The following MIR17HG variants were observed in gnomAD, a reference collection of about 807,000 sequenced individuals.
MIR17HG encodes the protein MIR17 host gene (non-protein coding).
At chr13:91,350,191 G>GT in exon 3 of MIR17HG, 2 of 177,218 alleles carry the variant, frequency 1.1e-5, no homozygotes, top group Non-Finnish European at 2.4e-5. Flanking sequence ...GGAGGAAAAT[G>GT]TTTTGCCACG....
intron 3 of MIR17HG, among the ~76,000 whole-genome samples, chr13:91,353,744 T>G (rs1230725531): frequency 6.6e-6 from 1 of 151,670 alleles, no homozygotes; most frequent in Non-Finnish European, 1.5e-5. Flanking sequence ...GTTTAATAAA[T>G]AGCCTTAACT....
chr13:91,350,960 G>A (rs778783279), intron 3 of MIR17HG: 3 of 532,254 alleles, frequency 5.6e-6, no homozygotes, highest in Non-Finnish European at 1.2e-5. Flanking sequence ...ATGCAAAACT[G>A]ATGGTGGCCT....
At position 91,352,883 on chromosome 13, in the gene MIR17HG, C is replaced by T. The variant is rs7336610; in HGVS notation, n.285-1050C>T. On this transcript the variant is annotated intron_variant and non_coding_transcript_variant, in intron 3 of 3. Coordinates refer to ENST00000400282, the Ensembl canonical transcript of MIR17HG. Reference sequence around the variant, plus strand: ...TAGCACTTGGGGAGGCTGAGGCAGACGGATTACCTGAGGTCAGGAGTTCGA... The same window carrying T: ...TAGCACTTGGGGAGGCTGAGGCAGATGGATTACCTGAGGTCAGGAGTTCGA... Among the ~76,000 whole-genome samples, 71,523 of 151,662 alleles carry T rather than the reference C, an allele frequency of 0.47. 18,387 individuals are homozygous for T. The highest frequency in any genetic ancestry group is 0.59 in the Admixed American group (8,949 of 15,242).
intron 3 of MIR17HG, among the ~76,000 whole-genome samples, chr13:91,352,945 C>T (rs1014802180): frequency 2.5e-4 from 38 of 151,534 alleles, no homozygotes; most frequent in African/African-American, 8.7e-4. Context: ...GCTGTCTCTA[C>T]TAAAAATATA....
intron 3 of MIR17HG, chr13:91,350,314 G>T: frequency 4.2e-6 from 1 of 237,576 alleles, no homozygotes; most frequent in Non-Finnish European, 8.5e-6. Flanking sequence ...TTTTCTCTAT[G>T]TGTCAATCCA....
exon 4 of MIR17HG, chr13:91,354,018 C>T (rs1485387106): frequency 6.5e-6 from 1 of 152,676 alleles, no homozygotes; most frequent in Non-Finnish European, 1.5e-5. Flanking sequence ...CAGCCTGCAA[C>T]TTCCTGGAGA....
intron 1 of MIR17HG, among the ~76,000 whole-genome samples, chr13:91,348,821 TGGC>T (rs1341083430): frequency 6.0e-5 from 9 of 149,038 alleles, no homozygotes; most frequent in South Asian, 4.2e-4. Flanking sequence ...GCGGGGGACA[TGGC>T]GGCGACTGCG....
intron 3 of MIR17HG, chr13:91,351,037 G>T (rs1439116940): frequency 1.9e-6 from 1 of 527,478 alleles, no homozygotes; most frequent in East Asian, 5.5e-5. Flanking sequence ...TGTAGAATCT[G>T]CCTGGTCTAT....
intron 1 of MIR17HG, among the ~76,000 whole-genome samples, chr13:91,349,032 G>T (rs907038333): frequency 6.6e-6 from 1 of 151,428 alleles, no homozygotes. Context: ...CGGGTTGGGG[G>T]GGTTGCCGCG....
At chr13:91,350,266 A>T (rs1202570503) in intron 3 of MIR17HG, 5 of 198,312 alleles carry the variant, frequency 2.5e-5, no homozygotes, top group Non-Finnish European at 5.3e-5. Flanking sequence ...TTCCAAAATT[A>T]GTTCTCATTT....
chr13:91,347,842 C>G (rs1453056030), exon 1 of MIR17HG: 1 of 150,406 alleles, frequency 6.6e-6, no homozygotes, highest in Non-Finnish European at 1.5e-5. Flanking sequence ...GCGGGGCGGG[C>G]CGGCCGGCCG....
At chr13:91,351,284 T>C in intron 3 of MIR17HG, 1 of 531,946 alleles carries the variant, frequency 1.9e-6, no homozygotes, top group South Asian at 1.4e-5. Context: ...TAGTGAAAAG[T>C]CTGTAGAAAA....
intron 2 of MIR17HG, chr13:91,349,980 G>T (rs1355414813): frequency 1.3e-5 from 2 of 152,184 alleles, no homozygotes; most frequent in Non-Finnish European, 2.9e-5. Flanking sequence ...GTACATTTTT[G>T]GAAACTGGCT....
intron 3 of MIR17HG, chr13:91,351,450 C>CT (rs1594014784): frequency 2.0e-6 from 1 of 496,598 alleles, no homozygotes; most frequent in East Asian, 5.8e-5. Context: ...TCGACTTCCA[C>CT]TGTTAAATGT....
intron 1 of MIR17HG, among the ~76,000 whole-genome samples, chr13:91,348,511 C>T (rs1044685752): frequency 4.6e-5 from 7 of 151,300 alleles, no homozygotes; most frequent in Non-Finnish European, 8.9e-5. Context: ...GGGCGGGAGC[C>T]CGCGGTTCCC....
At chr13:91,348,898 A>C (rs1178327041) in intron 1 of MIR17HG, among the ~76,000 whole-genome samples, 2 of 147,384 alleles carry the variant, frequency 1.4e-5, no homozygotes, top group African/African-American at 5.0e-5. Context: ...GCGGCCGCGG[A>C]GCCCCCGCCC....
chr13:91,351,305 C>T (rs751473041), intron 3 of MIR17HG: 1 of 532,056 alleles, frequency 1.9e-6, no homozygotes, highest in Non-Finnish European at 3.9e-6. Flanking sequence ...GTAAGGGAAA[C>T]TCAAACCCCT....
intron 3 of MIR17HG, chr13:91,350,520 G>C: frequency 1.9e-6 from 1 of 527,114 alleles, no homozygotes; most frequent in South Asian, 1.4e-5. Context: ...AGTTGTTAGA[G>C]TTTGAGGTGT....
intron 3 of MIR17HG, chr13:91,351,030 A>G (rs372337219): frequency 1.9e-5 from 10 of 527,790 alleles, no homozygotes; most frequent in Non-Finnish European, 3.1e-5. Context: ...GTGTCGATGT[A>G]GAATCTGCCT....
Sources: gnomAD v4.1 joint callset for allele counts (sites outside exome capture counted in the v4.1 genomes callset) on GRCh38, gnomAD v4.1.1 for gene constraint, MANE v1.5 for transcripts, NCBI Gene and HGNC (gene_info 2026-07-23, HGNC 2026-07-21) for gene names.